PRPF8: variants seen among roughly 807,000 people sequenced by gnomAD.
PRPF8 encodes the protein pre-mRNA processing factor 8.
In PRPF8, 64 loss-of-function variants were observed where a neutral mutation model predicts 285.9. That is an observed-to-expected ratio of 0.22 (90% CI 0.18 to 0.28). The LOEUF (loss-of-function observed/expected upper bound fraction) is 0.28, where lower values mean the gene tolerates loss of function less well. PRPF8 is among the 10% of genes least tolerant of loss of function. PRPF8 has a pLI of 1.00. For missense variants in PRPF8, 1,426 were observed against 3,026.7 expected, an observed-to-expected ratio of 0.47 and a Z score of 12.41; for synonymous variants, 1,325 against 1,118.2, an observed-to-expected ratio of 1.18 and a Z score of -3.69.
chr17:1,660,934 A>G, intron 28 of PRPF8, 59 bp downstream of exon 28: 1 of 1,612,606 alleles, frequency 6.2e-7, no homozygotes, highest in Non-Finnish European at 8.5e-7. Context: ...TCACAGAGGC[A>G]TACAAGAGAT....
rs968136132 is a variant in PRPF8 at position 1,661,965 on chromosome 17, C to T, written c.3963G>A (p.Glu1321=). 1.9e-6 allele frequency: 3 copies of T among 1,614,040 alleles called. No individual in the cohort carries two copies. The highest frequency in any genetic ancestry group is 2.7e-5 in the African/African-American group (2 of 74,900). Reference sequence around the variant, plus strand: ...TTGAGAGCATGCCGAGTCCACCCAACTCCTTAGGGGTGTAGAACACAACCG... The same window carrying T: ...TTGAGAGCATGCCGAGTCCACCCAATTCCTTAGGGGTGTAGAACACAACCG... ...FPPVVFYTPK[E]LGGLGMLSMG... Residue 1321 remains glutamate (E), a synonymous_variant, in exon 25 of 43, where the codon GAG becomes GAA. Coordinates refer to ENST00000304992, the MANE Select transcript of PRPF8 (RefSeq NM_006445.4). The surrounding 1 kb of genome is among the most constrained non-coding windows in gnomAD (Gnocchi z 7.3).
intron 3 of PRPF8, 73 bp downstream of exon 3, chr17:1,683,460 A>G (rs896880481): frequency 6.5e-6 from 10 of 1,534,206 alleles, no homozygotes; most frequent in Admixed American, 1.7e-5. Flanking sequence ...CAAAGCATCA[A>G]TCCAAGACTG....
intron 36 of PRPF8, 110 bp downstream of exon 36, chr17:1,656,282 A>T: frequency 7.3e-7 from 1 of 1,364,174 alleles, no homozygotes; most frequent in Non-Finnish European, 1.0e-6. Context: ...CAGAGTTCCC[A>T]CCCAATCTAT....
At position 1,654,004 on chromosome 17, in the gene PRPF8, T is replaced by C. The variant is rs745954222; in HGVS notation, c.6000A>G (p.Ala2000=). 2.5e-5 allele frequency: 41 copies of C among 1,614,070 alleles called. No homozygotes were observed. In the Middle Eastern group the frequency reaches 4.9e-4, roughly 19 times the overall value. The change falls in exon 38 of 43, where the codon GCA becomes GCG. Residue 2000 remains alanine (A), a synonymous_variant. Transcript: ENST00000304992. The part of the protein sequence containing the change: ...DYGKKNNVNV[A]SLTQSEIRDI... ...CTCGAATTTCTGATTGTGTCAGTGA[T>C]GCCACGTTCACACTGTGGGGATGGT...
In PRPF8 at chr17:1,653,270, C is replaced by T. The variant is rs751227616; in HGVS notation, c.6369+272G>A. The T allele has an allele frequency of 7.1e-5, 41 of 575,202 alleles. No homozygotes were observed. The highest frequency in any genetic ancestry group is 4.7e-4 in the Middle Eastern group (1 of 2,150). 35.6% of individuals were successfully genotyped at this position (575,202 alleles called of 1,614,324 possible). A position where few individuals can be genotyped will look rare whatever the true frequency, so the allele number is the denominator to read the frequency against. On this transcript the variant is annotated intron_variant, in intron 39 of 42. Transcript: ENST00000304992. This position sits in a 1 kb window ranked among gnomAD's most constrained non-coding sequence, Gnocchi z 4.9. The stretch of plus-strand genomic sequence containing the variant: ...TTGGGATTACAGGCATGAGCCAGCA[C>T]GCACACCTGGTCAGGAATTTGTTTC...
chr17:1,675,456 G>T lies in PRPF8; in HGVS notation c.2873-117C>A. On this transcript the variant is annotated intron_variant, in intron 19 of 42. Coordinates refer to ENST00000304992, the MANE Select transcript of PRPF8 (RefSeq NM_006445.4). This position sits in a 1 kb window ranked among gnomAD's most constrained non-coding sequence, Gnocchi z 6.0. ...CCACTATGATTCCACGTATTCATTTGGATTGCTTTGACTATGGGCTTTTCC... is the reference window on the plus strand; with the variant it reads ...CCACTATGATTCCACGTATTCATTTTGATTGCTTTGACTATGGGCTTTTCC... 6.9e-7 allele frequency: 1 copy of T among 1,444,800 alleles called. No individual in the cohort carries two copies. Among genetic ancestry groups the T allele is most frequent in the Non-Finnish European group, 9.7e-7 (1 of 1,031,436 alleles). The allele number at this position is 1,444,800 out of a possible 1,614,324, so 89.5% of individuals were successfully genotyped here.
chr17:1,651,685 T>A lies in PRPF8; in HGVS notation c.6473A>T (p.His2158Leu). 1 of 1,614,160 alleles carries A rather than the reference T, an allele frequency of 6.2e-7. No individual in the cohort carries two copies. Among genetic ancestry groups the A allele is most frequent in the Non-Finnish European group, 8.5e-7 (1 of 1,180,030 alleles). The change falls in exon 40 of 43, where the codon CAC becomes CTC. Residue 2158 changes from histidine to leucine, a missense_variant. This residue lies in a region of PRPF8 where 160 missense variants were observed against 373.7 expected (regional missense o/e 0.43). Coordinates refer to ENST00000304992, the MANE Select transcript of PRPF8 (RefSeq NM_006445.4). The surrounding 1 kb of genome is among the most constrained non-coding windows in gnomAD (Gnocchi z 5.1). Reference protein sequence around the residue: ...VPQWGTHQTVHLPGQLPQHEY... With the variant: ...VPQWGTHQTVLLPGQLPQHEY... The stretch of plus-strand genomic sequence containing the variant: ...ATGCTGGGGCAGCTGGCCAGGCAGG[T>A]GCACGGTCTGGTGAGTGCCCCACTG...
Position 1,684,526 on chromosome 17 carries a change from C to G in PRPF8, c.46G>C (p.Gly16Arg). The G allele has an allele frequency of 6.2e-7, 1 of 1,612,616 alleles. No homozygotes were observed. The highest frequency in any genetic ancestry group is 8.5e-7 in the Non-Finnish European group (1 of 1,179,850). Residue 16 changes from glycine (G) to arginine (R), a missense_variant, in exon 2 of 43, where the codon GGC becomes CGC. Gly to Arg is a moderately radical substitution (Grantham distance 125). Transcript: ENST00000304992. ...TAGTCCGGTAGCGGGGCTAGAGGGCCAGGCACCGGGTTACCCGGCCCTCGA... is the reference window on the plus strand; with the variant it reads ...TAGTCCGGTAGCGGGGCTAGAGGGCGAGGCACCGGGTTACCCGGCCCTCGA... ...PYRGPGNPVP[G>R]PLAPLPDYMS... is the part of the protein sequence containing the mutation.
In PRPF8 at chr17:1,673,911, A is replaced by T. The variant is rs983135920; in HGVS notation, c.3300-19T>A. On this transcript the variant is annotated intron_variant, in intron 21 of 42. Transcript: ENST00000304992. This position sits in a 1 kb window ranked among gnomAD's most constrained non-coding sequence, Gnocchi z 5.5. ...TGTGAACCTACACCAGACCAGGTAC[A>T]CTGCTGAGGCCCCAGTACACTGAGA... The T allele has an allele frequency of 6.2e-7, 1 of 1,610,402 alleles. No homozygotes were observed. Among genetic ancestry groups the T allele is most frequent in the South Asian group, 1.1e-5 (1 of 91,070 alleles).
intron 24 of PRPF8, among the ~76,000 whole-genome samples, chr17:1,669,310 T>C (rs1912178056): frequency 6.6e-6 from 1 of 152,216 alleles, no homozygotes; most frequent in South Asian, 2.1e-4. Context: ...TTTCACCATG[T>C]TGGCCAGGCT....
At chr17:1,680,677 C>G in intron 8 of PRPF8, 49 bp downstream of exon 8, 1 of 1,530,722 alleles carries the variant, frequency 6.5e-7, no homozygotes, top group Admixed American at 1.7e-5. Context: ...GCCAACCTCA[C>G]GCATTTCTCC....
intron 24 of PRPF8, among the ~76,000 whole-genome samples, chr17:1,662,933 C>CA (rs1911751840): frequency 6.6e-6 from 1 of 151,140 alleles, no homozygotes; most frequent in South Asian, 2.1e-4. Flanking sequence ...GGGTAAAATG[C>CA]AAAAAAATAT....
chr17:1,676,127 C>A lies in PRPF8; in HGVS notation c.2553-73G>T. On this transcript the variant is annotated intron_variant, in intron 17 of 42. Coordinates refer to ENST00000304992, the MANE Select transcript of PRPF8 (RefSeq NM_006445.4). The surrounding 1 kb of genome is among the most constrained non-coding windows in gnomAD (Gnocchi z 6.3). ...AAACCAGGAAAGACTGGGGCTACAC[C>A]TTCTTTCTTTGGACTCTGAGGATGA... The A allele has an allele frequency of 1.2e-6, 2 of 1,611,760 alleles. No individual in the cohort carries two copies. The highest frequency in any genetic ancestry group is 1.7e-6 in the Non-Finnish European group (2 of 1,179,636).
At chr17:1,662,830 C>CA (rs541846587) in intron 24 of PRPF8, among the ~76,000 whole-genome samples, 118 of 80,734 alleles carry the variant, frequency 1.5e-3, no homozygotes, top group Admixed American at 2.7e-3. Flanking sequence ...GACTGTGTCT[C>CA]AAAAAAAAAA....
chr17:1,655,271 T>C lies in PRPF8; in HGVS notation c.5987+79A>G, dbSNP rs561824589. On this transcript the variant is annotated intron_variant, in intron 37 of 42. Transcript: ENST00000304992. ...CCGCGCCTGGCCTTCTTGAGAAACTTCTAAGCCTAAGTGCTTCCAAAAAAC... is the reference window on the plus strand; with the variant it reads ...CCGCGCCTGGCCTTCTTGAGAAACTCCTAAGCCTAAGTGCTTCCAAAAAAC... 3.2e-6 allele frequency: 5 copies of C among 1,546,988 alleles called. No individual in the cohort carries two copies. The East Asian group carries it at 9.2e-5, about 28-fold the overall frequency.
At chr17:1,667,457 G>A (rs1482314482) in intron 24 of PRPF8, among the ~76,000 whole-genome samples, 1 of 151,362 alleles carries the variant, frequency 6.6e-6, no homozygotes, top group African/African-American at 2.4e-5. Context: ...CGTGTACTAG[G>A]TACCATGGTA....
chr17:1,667,252 G>C (rs764810488), intron 24 of PRPF8, among the ~76,000 whole-genome samples: 1 of 152,128 alleles, frequency 6.6e-6, no homozygotes, highest in African/African-American at 2.4e-5. Flanking sequence ...ATTAGGTTTA[G>C]TAAATTCTTG....
chr17:1,660,153 G>A, intron 30 of PRPF8, 152 bp from the exon 31 acceptor site: 3 of 1,088,052 alleles, frequency 2.8e-6, no homozygotes, highest in South Asian at 1.3e-5. Context: ...AGCTGACTCT[G>A]TACAGCACGC....
At chr17:1,683,434 C>T (rs1002524300) in intron 3 of PRPF8, 99 bp downstream of exon 3, 2 of 1,335,448 alleles carry the variant, frequency 1.5e-6, no homozygotes, top group Non-Finnish European at 2.2e-6. Flanking sequence ...CTCTTATATC[C>T]ACCAAGATGA....
Sources: allele counts gnomAD v4.1 joint callset (sites outside exome capture counted in the v4.1 genomes callset), GRCh38; gene constraint gnomAD v4.1.1; regional missense constraint gnomAD v4.1.1; non-coding constraint Gnocchi (gnomAD v3.1); transcripts MANE v1.5; gene names NCBI Gene and HGNC (gene_info 2026-07-23, HGNC 2026-07-21).